MEGF11: variants seen among roughly 807,000 people sequenced by gnomAD.
MEGF11 encodes the protein multiple EGF like domains 11, also known as multiple epidermal growth factor-like domains protein 11.
In MEGF11, 126 loss-of-function variants were observed where a neutral mutation model predicts 146.6. The ratio of observed to expected loss-of-function variants is 0.86; its 90% CI spans 0.74 to 1.00. The LOEUF is 1.00. MEGF11 is among the 50% of genes least tolerant of loss of function. The pLI is 0.00. For synonymous variants in MEGF11, 532 were observed against 583.4 expected (o/e 0.91, Z 1.27); for missense variants, 1,509 against 1,521.2 (o/e 0.99, Z 0.13).
chr15:65,976,447 G>A (rs1463221534), intron 7 of MEGF11, among the ~76,000 whole-genome samples: 1 of 152,142 alleles, frequency 6.6e-6, no homozygotes, highest in African/African-American at 2.4e-5. Flanking sequence ...CATATGGGGG[G>A]GCTCTCATCC....
intron 5 of MEGF11, among the ~76,000 whole-genome samples, chr15:66,086,499 C>T (rs891204398): frequency 2.0e-5 from 3 of 152,158 alleles, no homozygotes; most frequent in South Asian, 4.1e-4. Context: ...GGATTGGGGA[C>T]CCATCTTCAG....
At chr15:66,089,340 G>A (rs879655074) in intron 5 of MEGF11, among the ~76,000 whole-genome samples, 25 of 152,288 alleles carry the variant, frequency 1.6e-4, no homozygotes, top group Admixed American at 2.0e-4. Context: ...AGTGTGTACC[G>A]GGCTTTGACT....
intron 5 of MEGF11, among the ~76,000 whole-genome samples, chr15:66,066,860 G>A (rs1277131991): frequency 6.6e-6 from 1 of 152,196 alleles, no homozygotes; most frequent in Non-Finnish European, 1.5e-5. Context: ...ATGCTCTGTG[G>A]CCCCAGCAAT....
chr15:66,086,072 C>T (rs1025687601), intron 5 of MEGF11, among the ~76,000 whole-genome samples: 3 of 151,234 alleles, frequency 2.0e-5, no homozygotes, highest in African/African-American at 7.3e-5. Flanking sequence ...ATTCAGAGCT[C>T]GAAGACAAGG....
intron 2 of MEGF11, among the ~76,000 whole-genome samples, chr15:66,124,492 T>C (rs1230979301): frequency 6.6e-6 from 1 of 152,232 alleles, no homozygotes; most frequent in African/African-American, 2.4e-5. Context: ...GCAGTATCAA[T>C]AGGTGCTAAC....
intron 17 of MEGF11, 111 bp downstream of exon 17, chr15:65,916,717 C>T (rs1226512739): frequency 2.6e-6 from 4 of 1,532,716 alleles, no homozygotes; most frequent in Non-Finnish European, 3.5e-6. Flanking sequence ...ACCACCAGTC[C>T]TGGGGCTGCC....
At chr15:66,049,363 G>A (rs1399928694) in intron 5 of MEGF11, among the ~76,000 whole-genome samples, 3 of 152,206 alleles carry the variant, frequency 2.0e-5, no homozygotes, top group Admixed American at 6.5e-5. Context: ...TGACAAAGGA[G>A]AAAGGCTGGT....
chr15:66,035,725 C>T (rs989732832), intron 5 of MEGF11, among the ~76,000 whole-genome samples: 6 of 152,216 alleles, frequency 3.9e-5, no homozygotes, highest in Non-Finnish European at 5.9e-5. Context: ...TCAGTACAAC[C>T]GAAGTCTCCT....
At chr15:65,975,566 C>T (rs1004711538) in intron 7 of MEGF11, among the ~76,000 whole-genome samples, 2 of 152,152 alleles carry the variant, frequency 1.3e-5, no homozygotes, top group African/African-American at 4.8e-5. Flanking sequence ...GGTCCTGTTG[C>T]CTGGTCTGGT....
intron 5 of MEGF11, among the ~76,000 whole-genome samples, chr15:66,080,602 G>A (rs9788778): frequency 0.19 from 28,881 of 152,236 alleles, 2,974 homozygotes; most frequent in East Asian, 0.41. Context: ...TTTGAGAAGC[G>A]CTCAGTAAAT....
intron 3 of MEGF11, 82 bp from the exon 4 acceptor site, chr15:66,119,268 T>C: frequency 3.2e-6 from 3 of 942,086 alleles, no homozygotes; most frequent in Non-Finnish European, 4.9e-6. Context: ...TTAAGCTATA[T>C]TGAGGATGCC....
intron 21 of MEGF11, 61 bp downstream of exon 21, chr15:65,912,021 C>A (rs1410768113): frequency 2.0e-6 from 2 of 985,508 alleles, no homozygotes; most frequent in African/African-American, 3.4e-5. Flanking sequence ...CCTTCCTGGG[C>A]AGAGGTGAGG....
At chr15:66,007,279 CT>C (rs2082548866) in intron 5 of MEGF11, among the ~76,000 whole-genome samples, 1 of 152,236 alleles carries the variant, frequency 6.6e-6, no homozygotes, top group Non-Finnish European at 1.5e-5. Context: ...CAAGCCCATA[CT>C]TGGGACAAAC....
At chr15:66,080,878 C>A (rs1429083438) in intron 5 of MEGF11, among the ~76,000 whole-genome samples, 1 of 152,232 alleles carries the variant, frequency 6.6e-6, no homozygotes, top group Non-Finnish European at 1.5e-5. Flanking sequence ...AGAAGGCGGC[C>A]CAGGCGGGTC....
At chr15:65,965,613 C>CTTTCTTTTCTTTCTTT (rs2081057353) in intron 8 of MEGF11, among the ~76,000 whole-genome samples, 1 of 53,522 alleles carries the variant, frequency 1.9e-5, no homozygotes, top group Non-Finnish European at 3.2e-5. Flanking sequence ...TTTTTTTTTT[C>CTTTCTTTTCTTTCTTT]TTTTTTTTTT....
chr15:65,938,747 C>T (rs765358594), intron 10 of MEGF11, among the ~76,000 whole-genome samples: 7 of 152,230 alleles, frequency 4.6e-5, no homozygotes, highest in African/African-American at 1.2e-4. Flanking sequence ...AACAAACCCT[C>T]GACGCTGGTC....
chr15:65,923,083 A>G, intron 13 of MEGF11, 114 bp from the exon 14 acceptor site: 1 of 1,135,022 alleles, frequency 8.8e-7, no homozygotes, highest in Non-Finnish European at 1.2e-6. Flanking sequence ...TAGTGCATCC[A>G]GGAATGTAGA....
At chr15:66,241,005 A>C (rs1365906879) in intron 1 of MEGF11, among the ~76,000 whole-genome samples, 1 of 152,220 alleles carries the variant, frequency 6.6e-6, no homozygotes, top group East Asian at 1.9e-4. Flanking sequence ...ATGGGTATAC[A>C]GACGTTGAAA....
At chr15:66,245,723 C>T (rs2092286876) in intron 1 of MEGF11, among the ~76,000 whole-genome samples, 1 of 152,130 alleles carries the variant, frequency 6.6e-6, no homozygotes, top group South Asian at 2.1e-4. Context: ...ATTGGATTTG[C>T]AGCCATGGAT....
Sources: allele counts gnomAD v4.1 joint callset (sites outside exome capture counted in the v4.1 genomes callset), GRCh38; gene constraint gnomAD v4.1.1; transcripts MANE v1.5; gene names NCBI Gene and HGNC (gene_info 2026-07-23, HGNC 2026-07-21).